Variants in THSD7B observed in about 807,000 individuals in gnomAD.
THSD7B encodes thrombospondin type 1 domain containing 7B.
Under a neutral mutation model 213.6 loss-of-function variants are expected in THSD7B, and 138 were observed. The ratio of observed to expected loss-of-function variants is 0.65; its 90% CI spans 0.56 to 0.74. THSD7B has a LOEUF of 0.74. THSD7B is among the 30% of genes least tolerant of loss of function. The pLI, the probability that THSD7B is intolerant of heterozygous loss-of-function variation, is 0.00. For synonymous variants in THSD7B, 742 were observed against 687.0 expected (o/e 1.08, Z -1.25); for missense variants, 1,931 against 1,991.5 (o/e 0.97, Z 0.58).
chr2:137,599,701 G>A (rs577080641), intron 17 of THSD7B, among the ~76,000 whole-genome samples: 1 of 152,262 alleles, frequency 6.6e-6, no homozygotes, highest in South Asian at 2.1e-4. Flanking sequence ...GTTTATTGCA[G>A]CATTATTCTT....
At chr2:137,354,356 C>A (rs1487166983) in intron 12 of THSD7B, among the ~76,000 whole-genome samples, 1 of 151,878 alleles carries the variant, frequency 6.6e-6, no homozygotes, top group Non-Finnish European at 1.5e-5. Context: ...CCTTTTAAAA[C>A]TCTATTTTTA....
intron 2 of THSD7B, among the ~76,000 whole-genome samples, chr2:136,941,849 A>G (rs1412121887): frequency 6.6e-6 from 1 of 152,084 alleles, no homozygotes; most frequent in Non-Finnish European, 1.5e-5. Flanking sequence ...TCTTTAGGTT[A>G]ATTAGATCCC....
chr2:137,067,033 T>C (rs887025851), intron 3 of THSD7B, among the ~76,000 whole-genome samples: 3 of 152,134 alleles, frequency 2.0e-5, no homozygotes, highest in Admixed American at 1.3e-4. Flanking sequence ...GTCATTTTCT[T>C]TTGATTCTTT....
intron 19 of THSD7B, among the ~76,000 whole-genome samples, chr2:137,619,681 TC>T (rs1438783740): frequency 1.3e-5 from 2 of 152,234 alleles, no homozygotes; most frequent in African/African-American, 2.4e-5. Context: ...TATAAACTAT[TC>T]ATTAATAGAA....
chr2:136,927,520 G>A (rs1684559868), intron 2 of THSD7B, among the ~76,000 whole-genome samples: 1 of 152,298 alleles, frequency 6.6e-6, no homozygotes, highest in Admixed American at 6.5e-5. Context: ...TGGCTTCAGG[G>A]ATGAACCATT....
At chr2:137,543,129 A>G (rs1680639066) in intron 15 of THSD7B, among the ~76,000 whole-genome samples, 1 of 151,754 alleles carries the variant, frequency 6.6e-6, no homozygotes, top group African/African-American at 2.4e-5. Context: ...TAATCTTTGT[A>G]TCATTTTCAC....
chr2:137,303,123 C>T (rs1234653106), intron 12 of THSD7B, among the ~76,000 whole-genome samples: 1 of 152,200 alleles, frequency 6.6e-6, no homozygotes, highest in Non-Finnish European at 1.5e-5. Flanking sequence ...CTGCCTGAGC[C>T]TGCCAAGTAG....
intron 15 of THSD7B, among the ~76,000 whole-genome samples, chr2:137,473,374 A>G (rs368508278): frequency 2.4e-4 from 37 of 151,998 alleles, no homozygotes; most frequent in African/African-American, 7.0e-4. Context: ...ACACCTGGCT[A>G]ATTTTTTGTA....
intron 1 of THSD7B, among the ~76,000 whole-genome samples, chr2:136,867,320 A>T (rs909338589): frequency 6.6e-6 from 1 of 152,130 alleles, no homozygotes; most frequent in Non-Finnish European, 1.5e-5. Flanking sequence ...TTGTGGGCTC[A>T]TTTGCCTTCT....
chr2:137,496,714 A>C (rs1679577649), intron 15 of THSD7B, among the ~76,000 whole-genome samples: 1 of 152,204 alleles, frequency 6.6e-6, no homozygotes, highest in African/African-American at 2.4e-5. Flanking sequence ...TTCTAAAGTG[A>C]TCATTATGTT....
intron 2 of THSD7B, among the ~76,000 whole-genome samples, chr2:137,052,190 A>C (rs1194749983): frequency 1.3e-5 from 2 of 152,216 alleles, no homozygotes; most frequent in African/African-American, 4.8e-5. Flanking sequence ...GATGTGGCTT[A>C]AAATACTTGG....
chr2:137,617,828 C>T (rs1278663963), intron 18 of THSD7B, among the ~76,000 whole-genome samples: 7 of 152,228 alleles, frequency 4.6e-5, no homozygotes, highest in Middle Eastern at 3.4e-3. Context: ...TAGCTACATC[C>T]TCAGAGGATG....
chr2:137,465,448 A>G lies in THSD7B; in HGVS notation c.3138+14425A>G, dbSNP rs537533948. Among the ~76,000 whole-genome samples, 5 of 152,210 alleles carry G rather than the reference A, an allele frequency of 3.3e-5. No individual in the cohort carries two copies. The South Asian group carries it at 8.3e-4, about 25-fold the overall frequency. On this transcript the variant is annotated intron_variant, in intron 15 of 27. Transcript: ENST00000409968. ...CTGGACCAATTAAATCAGAATATCT[A>G]GTAATGTGATCCAACTGTCTATATG...
chr2:137,221,824 C>T (rs1326514872), intron 7 of THSD7B, among the ~76,000 whole-genome samples: 1 of 152,158 alleles, frequency 6.6e-6, no homozygotes, highest in Non-Finnish European at 1.5e-5. Context: ...ACTCTATTGA[C>T]TTACCCAATC....
At chr2:137,322,382 GA>G (rs1392390202) in intron 12 of THSD7B, among the ~76,000 whole-genome samples, 1 of 152,144 alleles carries the variant, frequency 6.6e-6, no homozygotes, top group Non-Finnish European at 1.5e-5. Context: ...ACATAGCATG[GA>G]GCCTGACATA....
At chr2:136,895,853 GAAT>G (rs1683949327) in intron 2 of THSD7B, among the ~76,000 whole-genome samples, 1 of 152,056 alleles carries the variant, frequency 6.6e-6, no homozygotes, top group Non-Finnish European at 1.5e-5. Context: ...CATATAAATA[GAAT>G]AATACAATAT....
intron 5 of THSD7B, among the ~76,000 whole-genome samples, chr2:137,139,149 A>G (rs1679529890): frequency 1.3e-5 from 2 of 152,160 alleles, no homozygotes; most frequent in Admixed American, 1.3e-4. Context: ...AGCTTGAAGT[A>G]AATTCTATAA....
rs1683730056 is a variant in THSD7B, at chr2:137,677,495, T to G, written c.*890T>G. ...ATCTGAATATTTATAAATTCTTCTT[T>G]CAAATTTAATTATCTGACCTCATTT... On this transcript the variant is annotated 3_prime_UTR_variant, in exon 28 of 28. Transcript: ENST00000409968. 6.6e-6 allele frequency: 1 copy of G among 152,662 alleles called. No homozygotes were observed. The highest frequency in any genetic ancestry group is 1.5e-5 in the Non-Finnish European group (1 of 68,040). 9.5% of individuals were successfully genotyped at this position (152,662 alleles called of 1,614,324 possible). A position where few individuals can be genotyped will look rare whatever the true frequency, so the allele number is the denominator to read the frequency against.
At chr2:137,342,308 ATTG>A (rs1684779974) in intron 12 of THSD7B, among the ~76,000 whole-genome samples, 1 of 151,070 alleles carries the variant, frequency 6.6e-6, no homozygotes, top group African/African-American at 2.4e-5. Context: ...CAGACAGTTT[ATTG>A]TTAGTAAACA....
Sources: gnomAD v4.1 joint callset for allele counts (sites outside exome capture counted in the v4.1 genomes callset) on GRCh38, gnomAD v4.1.1 for gene constraint, MANE v1.5 for transcripts, NCBI Gene and HGNC (gene_info 2026-07-23, HGNC 2026-07-21) for gene names.